The following PRR16 variants were observed in gnomAD, a reference collection of about 807,000 sequenced individuals.
PRR16 encodes proline rich 16.
PRR16 carries 6 observed loss-of-function variants against 18.2 expected under a neutral mutation model. That is an observed-to-expected ratio of 0.33 (90% CI 0.18 to 0.65). The LOEUF is 0.65. Ranked by LOEUF, PRR16 falls within the 30% of genes least tolerant of loss-of-function variation. The pLI, the probability that PRR16 is intolerant of heterozygous loss-of-function variation, is 0.74. For synonymous variants in PRR16, 151 were observed against 147.8 expected (o/e 1.02, Z -0.16); for missense variants, 412 against 376.6 (o/e 1.09, Z -0.78).
intron 1 of PRR16, among the ~76,000 whole-genome samples, chr5:120,512,873 A>G (rs890272885): frequency 3.9e-5 from 6 of 152,184 alleles, no homozygotes; most frequent in African/African-American, 1.4e-4. Context: ...AGACAGCATG[A>G]CGTGGTCAGG....
chr5:120,729,285 T>C, the PRR16 span, among the ~76,000 whole-genome samples: 1 of 152,142 alleles, frequency 6.6e-6, no homozygotes, highest in African/African-American at 2.4e-5. Flanking sequence ...CAGATTTATA[T>C]TCAGATTCAT....
At chr5:120,553,417 CAG>C (rs1752318350) in intron 1 of PRR16, among the ~76,000 whole-genome samples, 1 of 151,766 alleles carries the variant, frequency 6.6e-6, no homozygotes, top group Non-Finnish European at 1.5e-5. Context: ...TGAATTTTGG[CAG>C]CTTCTTGATT....
intron 1 of PRR16, among the ~76,000 whole-genome samples, chr5:120,606,496 G>T (rs920968220): frequency 6.6e-6 from 1 of 151,528 alleles, no homozygotes; most frequent in Middle Eastern, 3.2e-3. Flanking sequence ...TACTGGTTTG[G>T]TAAACTAGTT....
intron 1 of PRR16, among the ~76,000 whole-genome samples, chr5:120,648,382 A>G (rs577743290): frequency 6.6e-6 from 1 of 152,224 alleles, no homozygotes; most frequent in East Asian, 1.9e-4. Flanking sequence ...TTGAAAGATC[A>G]GTTATGTTCC....
intron 1 of PRR16, among the ~76,000 whole-genome samples, chr5:120,653,434 G>C (rs1418497762): frequency 6.6e-6 from 1 of 151,798 alleles, no homozygotes; most frequent in Non-Finnish European, 1.5e-5. Flanking sequence ...TAACCCATAA[G>C]TATAATAATA....
intron 1 of PRR16, among the ~76,000 whole-genome samples, chr5:120,641,418 A>C (rs1755418904): frequency 6.6e-6 from 1 of 152,076 alleles, no homozygotes; most frequent in African/African-American, 2.4e-5. Flanking sequence ...TTTCTAAGAA[A>C]TTGCAAGGGC....
At chr5:120,684,712 C>T (rs1299908660) in intron 1 of PRR16, among the ~76,000 whole-genome samples, 3 of 152,168 alleles carry the variant, frequency 2.0e-5, no homozygotes, top group Non-Finnish European at 4.4e-5. Context: ...CACACTGCTG[C>T]TCCCAGCCAA....
chr5:120,482,846 C>T (rs139079908), intron 1 of PRR16, among the ~76,000 whole-genome samples: 58 of 152,126 alleles, frequency 3.8e-4, no homozygotes, highest in African/African-American at 1.2e-3. Flanking sequence ...TGACGATCTG[C>T]GAACATAACA....
At chr5:120,734,127 G>A in the PRR16 span, among the ~76,000 whole-genome samples, 1 of 152,136 alleles carries the variant, frequency 6.6e-6, no homozygotes, top group Non-Finnish European at 1.5e-5. Flanking sequence ...AGGATTCATT[G>A]CACATGTGTT....
At chr5:120,601,054 G>T (rs547613970) in intron 1 of PRR16, among the ~76,000 whole-genome samples, 1,736 of 151,926 alleles carry the variant, frequency 0.011, 37 homozygotes, top group African/African-American at 0.039. Context: ...ATGTCTTTTT[G>T]GTAGAGTTAT....
At chr5:120,518,120 G>T (rs144191924) in intron 1 of PRR16, among the ~76,000 whole-genome samples, 1 of 151,884 alleles carries the variant, frequency 6.6e-6, no homozygotes, top group African/African-American at 2.4e-5. Flanking sequence ...CTCTTTTTAC[G>T]TCAATCTTTT....
chr5:120,678,111 G>A (rs935200260), intron 1 of PRR16, among the ~76,000 whole-genome samples: 8 of 151,998 alleles, frequency 5.3e-5, no homozygotes, highest in Non-Finnish European at 1.0e-4. Flanking sequence ...GCGTTTAGCC[G>A]TGTTAGCCAG....
At chr5:120,527,766 G>T (rs1042289608) in intron 1 of PRR16, among the ~76,000 whole-genome samples, 2 of 152,150 alleles carry the variant, frequency 1.3e-5, no homozygotes, top group African/African-American at 2.4e-5. Context: ...CTATTTGAGT[G>T]TTCCCAGATA....
At chr5:120,781,095 T>A in the PRR16 span, 1 of 152,162 alleles carries the variant, frequency 6.6e-6, no homozygotes, top group Non-Finnish European at 1.5e-5. Context: ...TTAAATATTA[T>A]GTTAACATTT....
the PRR16 span, among the ~76,000 whole-genome samples, chr5:120,785,101 T>C: frequency 6.6e-6 from 1 of 152,222 alleles, no homozygotes; most frequent in East Asian, 1.9e-4. Flanking sequence ...ATGACTACAG[T>C]AGGCCACACT....
intron 1 of PRR16, among the ~76,000 whole-genome samples, chr5:120,676,241 T>C (rs952663600): frequency 3.2e-4 from 49 of 152,214 alleles, no homozygotes; most frequent in Non-Finnish European, 1.5e-5. Flanking sequence ...CCAGTATCCA[T>C]GTATCACGAT....
the PRR16 span, among the ~76,000 whole-genome samples, chr5:120,777,549 G>C: frequency 6.7e-6 from 1 of 148,818 alleles, no homozygotes; most frequent in Non-Finnish European, 1.5e-5. Flanking sequence ...TGTCCTTTAT[G>C]GTTTATTATG....
At chr5:120,556,668 A>G (rs1350403851) in intron 1 of PRR16, among the ~76,000 whole-genome samples, 2 of 151,830 alleles carry the variant, frequency 1.3e-5, no homozygotes, top group Non-Finnish European at 2.9e-5. Flanking sequence ...TTTTTATTCA[A>G]TTCAGGTAAA....
the PRR16 span, among the ~76,000 whole-genome samples, chr5:120,771,553 G>C: frequency 6.6e-6 from 1 of 152,186 alleles, no homozygotes; most frequent in African/African-American, 2.4e-5. Flanking sequence ...CTCAAAACTT[G>C]TCAGGGAATA....
Sources: gnomAD v4.1 joint callset for allele counts (sites outside exome capture counted in the v4.1 genomes callset) on GRCh38, gnomAD v4.1.1 for gene constraint, MANE v1.5 for transcripts, NCBI Gene and HGNC (gene_info 2026-07-23, HGNC 2026-07-21) for gene names.